ABCA6: variants seen among roughly 807,000 people sequenced by gnomAD.
ABCA6 encodes ATP-binding cassette sub-family A member 6.
Under a neutral mutation model 191.2 loss-of-function variants are expected in ABCA6, and 164 were observed. The observed-to-expected ratio is 0.86, with a 90% CI of 0.76 to 0.98. The LOEUF (loss-of-function observed/expected upper bound fraction) is 0.98, where lower values mean the gene tolerates loss of function less well. Among genes scored for constraint, ABCA6 ranks in the 50% least tolerant of loss-of-function variants. ABCA6 has a pLI of 0.00. For missense variants in ABCA6, 1,958 were observed against 1,894.1 expected (o/e 1.03, Z -0.63); for synonymous variants, 636 against 647.7 (o/e 0.98, Z 0.27).
Position 69,113,281 on chromosome 17 carries a change from C to G in ABCA6, c.1982G>C (p.Arg661Thr), listed in dbSNP as rs1197648584. ...DQVWSLLRER[R>T]ADHVILFSTQ... ...ACTGAAAAGGATCACATGATCTGCTCTACGCTCTCTCAGGAGGCTCCACAC... is the reference window on the plus strand; with the variant it reads ...ACTGAAAAGGATCACATGATCTGCTGTACGCTCTCTCAGGAGGCTCCACAC... The change falls in exon 15 of 39, where the codon AGA becomes ACA. Residue 661 changes from arginine (R) to threonine (T), a missense_variant. Coordinates refer to ENST00000284425, the MANE Select transcript of ABCA6 (RefSeq NM_080284.3). 6.2e-7 allele frequency: 1 copy of G among 1,603,552 alleles called. No individual in the cohort carries two copies. Among genetic ancestry groups the G allele is most frequent in the African/African-American group, 1.3e-5 (1 of 74,082 alleles).
Position 69,105,483 on chromosome 17 carries a change from G to A in ABCA6, c.2719C>T (p.Leu907=), listed in dbSNP as rs770703353. 4 of 1,607,624 alleles carry A rather than the reference G, an allele frequency of 2.5e-6. No homozygotes were observed. The East Asian group carries it at 6.7e-5, about 27-fold the overall frequency. The change falls in exon 20 of 39, where the codon CTG becomes TTG. Residue 907 remains leucine, a synonymous_variant. Coordinates refer to ENST00000284425, the MANE Select transcript of ABCA6 (RefSeq NM_080284.3). ...GQLPQEPRTS[L]LIINNTESNI... ...TCACCTGTGTTATTGATGATCAACA[G>A]GCTGGTACGGGGTTCCTGGGGAAGT... is the stretch of plus-strand genomic sequence containing the variant.
intron 11 of ABCA6, among the ~76,000 whole-genome samples, chr17:69,117,276 TTCTG>T (rs1364444061): frequency 3.3e-5 from 5 of 152,048 alleles, no homozygotes; most frequent in African/African-American, 4.8e-5. Flanking sequence ...CTTTTAAGGC[TTCTG>T]TCTTTTATAA....
chr17:69,091,523 CTT>C (rs1196866549), intron 25 of ABCA6, among the ~76,000 whole-genome samples: 7 of 76,392 alleles, frequency 9.2e-5, no homozygotes, highest in East Asian at 2.2e-4. Context: ...AAATAGACTT[CTT>C]TTTTTTTTTT....
chr17:69,091,785 G>A (rs2072929094), intron 25 of ABCA6, among the ~76,000 whole-genome samples: 1 of 19,262 alleles, frequency 5.2e-5, no homozygotes, highest in Non-Finnish European at 1.3e-4. Context: ...GCCTCCCAAA[G>A]TGCTGGGATT....
At chr17:69,134,803 A>T (rs1314756821) in intron 4 of ABCA6, 61 bp from the exon 5 acceptor site, 1 of 1,193,286 alleles carries the variant, frequency 8.4e-7, no homozygotes, top group African/African-American at 1.5e-5. Context: ...GAGAATATGA[A>T]ACAAGTATTG....
Position 69,105,520 on chromosome 17 carries a change from G to A in ABCA6, c.2682C>T (p.Leu894=), listed in dbSNP as rs141524430. The A allele has an allele frequency of 7.3e-4, 1,174 of 1,611,244 alleles. 2 individuals carry two copies. In the African/African-American group the frequency reaches 0.014, roughly 20 times the overall value. Residue 894 remains leucine (L), a synonymous_variant, in exon 20 of 39, where the codon CTC becomes CTT. Coordinates refer to ENST00000284425, the MANE Select transcript of ABCA6 (RefSeq NM_080284.3). ...DWEFKNELYF[L]SPGQLPQEPR... ...GTTCCTGGGGAAGTTGTCCAGGAGA[G>A]AGAAAATACAATTCGTTTTTAAATT... is the stretch of plus-strand genomic sequence containing the variant.
intron 11 of ABCA6, among the ~76,000 whole-genome samples, chr17:69,117,075 T>G (rs1345194657): frequency 6.6e-6 from 1 of 152,058 alleles, no homozygotes; most frequent in African/African-American, 2.4e-5. Context: ...CTAGATGGTA[T>G]TTGATGAGAG....
At chr17:69,128,953 G>T in intron 7 of ABCA6, 149 bp from the exon 8 acceptor site, 1 of 574,626 alleles carries the variant, frequency 1.7e-6, no homozygotes, top group Non-Finnish European at 2.9e-6. Context: ...TAATGAGTCT[G>T]TTCTTTCCTC....
At position 69,137,336 on chromosome 17, in the gene ABCA6, C is replaced by T; in HGVS notation, c.261G>A (p.Gln87=). 6.2e-7 allele frequency: 1 copy of T among 1,613,432 alleles called. No individual in the cohort carries two copies. Among genetic ancestry groups the T allele is most frequent in the Non-Finnish European group, 8.5e-7 (1 of 1,179,702 alleles). The change falls in exon 3 of 39, where the codon CAG becomes CAA. Residue 87 remains glutamine (Q), a synonymous_variant. Coordinates refer to ENST00000284425, the MANE Select transcript of ABCA6 (RefSeq NM_080284.3). ...CAAGTGCTGTTTTATTCATTATCTG[C>T]TGGGTTAAATTAGATATTGGTGTAT... ...VVYTPISNLT[Q]QIMNKTALAP...
intron 10 of ABCA6, among the ~76,000 whole-genome samples, chr17:69,118,491 C>T (rs1021818246): frequency 2.6e-5 from 4 of 152,030 alleles, no homozygotes; most frequent in Non-Finnish European, 5.9e-5. Flanking sequence ...GCCATTTTCA[C>T]TTCCTGACCT....
At position 69,113,668 on chromosome 17, in the gene ABCA6, C is replaced by T. The variant is rs755632630; in HGVS notation, c.1852G>A (p.Gly618Arg). ...QDNLAKHLSE[G>R]QKRKLTFGIT... is the part of the protein sequence containing the mutation. ...CCAAAAGTCAGCTTTCTTTTCTGTC[C>T]TTCACTTAAATGTTTAGCAAGGTTA... is the stretch of plus-strand genomic sequence containing the variant. The change falls in exon 14 of 39, where the codon GGA becomes AGA. Residue 618 changes from glycine to arginine, a missense_variant. By Grantham distance (125) the Gly-to-Arg change is moderately radical (BLOSUM62 -2). Transcript: ENST00000284425. The T allele has an allele frequency of 8.1e-6, 13 of 1,612,916 alleles. No homozygotes were observed. Among genetic ancestry groups the T allele is most frequent in the Non-Finnish European group, 1.1e-5 (13 of 1,179,362 alleles).
chr17:69,079,745 G>A (rs1387607499), intron 37 of ABCA6, among the ~76,000 whole-genome samples: 6 of 152,178 alleles, frequency 3.9e-5, no homozygotes, highest in Non-Finnish European at 8.8e-5. Flanking sequence ...CTAAGAATCT[G>A]CTACATGTGA....
Position 69,097,983 on chromosome 17 carries a change from GA to G in ABCA6, c.3056del (p.Phe1019SerfsTer45), listed in dbSNP as rs745310815. On this transcript the variant is annotated frameshift_variant, in exon 23 of 39. Coordinates refer to ENST00000284425, the MANE Select transcript of ABCA6 (RefSeq NM_080284.3). LOFTEE classifies it high-confidence loss of function. ...AAATGCTACATAGAACCAAAAATAA[GA>G]AAAAGGAACCATCCGGCAACCCAGT... The part of the protein sequence containing the change: ...LWTGLPDGSF[F>X]LFLVLCSISP... 2 of 1,611,350 alleles carry G rather than the reference GA, an allele frequency of 1.2e-6. No homozygotes were observed. The highest frequency in any genetic ancestry group is 2.7e-5 in the African/African-American group (2 of 74,618).
At position 69,129,763 on chromosome 17, in the gene ABCA6, C is replaced by A. The variant is rs752037033; in HGVS notation, c.792-12G>T. The A allele has an allele frequency of 1.9e-6, 3 of 1,551,794 alleles. No individual in the cohort carries two copies. The highest frequency in any genetic ancestry group is 2.4e-5 in the South Asian group (2 of 82,454). ...GACCCCAGGAGAGCCTAAATAAAGACAAAAAGTTATATAAATTATGTTAAC... is the reference window on the plus strand; with the variant it reads ...GACCCCAGGAGAGCCTAAATAAAGAAAAAAAGTTATATAAATTATGTTAAC... On this transcript the variant is annotated splice_polypyrimidine_tract_variant and intron_variant, in intron 6 of 38. Coordinates refer to ENST00000284425, the MANE Select transcript of ABCA6 (RefSeq NM_080284.3).
intron 29 of ABCA6, among the ~76,000 whole-genome samples, 176 bp from the exon 30 acceptor site, chr17:69,086,911 C>CT (rs1239658002): frequency 5.3e-5 from 8 of 152,170 alleles, no homozygotes; most frequent in African/African-American, 1.9e-4. Flanking sequence ...TCTAAATAGA[C>CT]TGAGTTTCAT....
At chr17:69,080,062 G>A (rs1388395959) in intron 37 of ABCA6, among the ~76,000 whole-genome samples, 1 of 152,126 alleles carries the variant, frequency 6.6e-6, no homozygotes, top group African/African-American at 2.4e-5. Flanking sequence ...CAGGAAGAAG[G>A]ATTAGCAAGT....
chr17:69,136,346 G>C (rs922723238), intron 3 of ABCA6, 96 bp from the exon 4 acceptor site: 11 of 974,110 alleles, frequency 1.1e-5, no homozygotes, highest in Non-Finnish European at 1.5e-5. Context: ...AATTTCATTA[G>C]ACTTAAATTA....
intron 6 of ABCA6, among the ~76,000 whole-genome samples, chr17:69,132,333 TAGAC>T (rs1161100469): frequency 2.0e-5 from 3 of 152,196 alleles, no homozygotes; most frequent in Non-Finnish European, 2.9e-5. Flanking sequence ...TTACTTTTTC[TAGAC>T]AGACAGTATG....
At chr17:69,139,746 AC>A (rs1177741425) in intron 2 of ABCA6, among the ~76,000 whole-genome samples, 3 of 152,086 alleles carry the variant, frequency 2.0e-5, no homozygotes, top group Non-Finnish European at 2.9e-5. Flanking sequence ...ACACATATAC[AC>A]CATGGAATAC....
Sources: allele counts gnomAD v4.1 joint callset (sites outside exome capture counted in the v4.1 genomes callset), GRCh38; gene constraint gnomAD v4.1.1; transcripts MANE v1.5; gene names NCBI Gene and HGNC (gene_info 2026-07-23, HGNC 2026-07-21).